Variants in BLVRA observed in about 807,000 individuals in gnomAD.
BLVRA encodes the protein biliverdin reductase A, also known as BVR A.
In BLVRA, 22 loss-of-function variants were observed where a neutral mutation model predicts 32.8. The observed-to-expected ratio is 0.67, with a 90% CI of 0.48 to 0.96. The LOEUF is 0.96. Ranked by LOEUF, BLVRA falls within the 40% of genes least tolerant of loss-of-function variation. The pLI is 0.00. For synonymous variants in BLVRA, 119 were observed against 141.3 expected, an observed-to-expected ratio of 0.84 and a Z score of 1.12; for missense variants, 323 against 358.1, an observed-to-expected ratio of 0.90 and a Z score of 0.79.
intron 2 of BLVRA, among the ~76,000 whole-genome samples, chr7:43,773,482 G>A (rs1282380801): frequency 2.0e-5 from 3 of 152,134 alleles, no homozygotes; most frequent in Non-Finnish European, 4.4e-5. Context: ...CATTTTTTAT[G>A]GCTGCATAGT....
At position 43,771,154 on chromosome 7, in the gene BLVRA, C is replaced by T. The variant is rs1192428856; in HGVS notation, c.-5C>T. On this transcript the variant is annotated 5_prime_UTR_variant, in exon 2 of 8. Coordinates refer to ENST00000265523, the MANE Select transcript of BLVRA (RefSeq NM_000712.4). ...TCTTTACAGTGACCGAAGGAAGAGA[C>T]CAAGATGAATGCAGAGGTGAGTTCT... The T allele has an allele frequency of 2.5e-6, 4 of 1,614,030 alleles. No homozygotes were observed. In the South Asian group the frequency reaches 3.3e-5, roughly 13 times the overall value.
chr7:43,761,065 C>T (rs952556434), intron 1 of BLVRA, among the ~76,000 whole-genome samples: 1 of 152,196 alleles, frequency 6.6e-6, no homozygotes, highest in South Asian at 2.1e-4. Flanking sequence ...CCATTTCACC[C>T]GGCCTCTCTT....
At chr7:43,758,818 C>A (rs1024738280) in intron 1 of BLVRA, 84 bp downstream of exon 1, 3 of 151,586 alleles carry the variant, frequency 2.0e-5, no homozygotes, top group African/African-American at 2.4e-5. Flanking sequence ...GGCCTGAGCT[C>A]GAAGCCCCAG....
At chr7:43,782,247 G>A (rs986570087) in intron 2 of BLVRA, among the ~76,000 whole-genome samples, 1 of 152,200 alleles carries the variant, frequency 6.6e-6, no homozygotes, top group African/African-American at 2.4e-5. Context: ...CAGTGAAAGT[G>A]TAGAGAAAGG....
intron 5 of BLVRA, among the ~76,000 whole-genome samples, chr7:43,796,594 G>A: frequency 6.6e-6 from 1 of 152,138 alleles, no homozygotes; most frequent in East Asian, 1.9e-4. Context: ...ACCTAAAACT[G>A]TAATATTGTT....
At chr7:43,774,208 C>T (rs1585717457) in intron 2 of BLVRA, among the ~76,000 whole-genome samples, 1 of 152,266 alleles carries the variant, frequency 6.6e-6, no homozygotes, top group Non-Finnish European at 1.5e-5. Flanking sequence ...ACATGAAGTC[C>T]TTGCCCATGC....
At chr7:43,797,596 G>T (rs747903283) in intron 5 of BLVRA, among the ~76,000 whole-genome samples, 5 of 152,082 alleles carry the variant, frequency 3.3e-5, no homozygotes, top group Non-Finnish European at 7.4e-5. Flanking sequence ...GCATGTAACC[G>T]CATACAACCA....
intron 2 of BLVRA, among the ~76,000 whole-genome samples, chr7:43,777,962 C>T (rs1281741002): frequency 2.6e-5 from 4 of 152,222 alleles, no homozygotes; most frequent in East Asian, 1.9e-4. Context: ...GCATTCTTCA[C>T]GTAGTTCTCG....
rs1005098340 is a variant in BLVRA, at chr7:43,803,531, G to T, written c.461-145G>T. On this transcript the variant is annotated intron_variant, in intron 6 of 7. Coordinates refer to ENST00000265523, the MANE Select transcript of BLVRA (RefSeq NM_000712.4). ...TTTCATCAGTATCATTAATCACGTT[G>T]CCTGCCTACCACATAAGGCAAGGTC... 3 of 854,864 alleles carry T rather than the reference G, an allele frequency of 3.5e-6. No individual in the cohort carries two copies. In the African/African-American group the frequency reaches 5.0e-5, roughly 14 times the overall value. The allele number at this position is 854,864 out of a possible 1,614,324, so 53.0% of individuals were successfully genotyped here. A position where few individuals can be genotyped will look rare whatever the true frequency, so the allele number is the denominator to read the frequency against.
intron 2 of BLVRA, 146 bp downstream of exon 2, chr7:43,771,316 C>A: frequency 1.0e-6 from 1 of 960,162 alleles, no homozygotes; most frequent in Non-Finnish European, 1.6e-6. Context: ...GCACGTGGTT[C>A]TGGGTGATGC....
chr7:43,778,176 T>C (rs1250367363), intron 2 of BLVRA, among the ~76,000 whole-genome samples: 6 of 152,266 alleles, frequency 3.9e-5, no homozygotes, highest in Admixed American at 2.6e-4. Context: ...CTTTGTTCCG[T>C]TGCTGGTGAG....
At chr7:43,784,001 A>C (rs2095773645) in intron 2 of BLVRA, among the ~76,000 whole-genome samples, 1 of 149,768 alleles carries the variant, frequency 6.7e-6, no homozygotes, top group South Asian at 2.1e-4. Flanking sequence ...ATTCCTAACT[A>C]TGAACTCCAT....
chr7:43,771,366 T>C (rs963415246), intron 2 of BLVRA, among the ~76,000 whole-genome samples, 196 bp downstream of exon 2: 1 of 152,198 alleles, frequency 6.6e-6, no homozygotes, highest in East Asian at 1.9e-4. Context: ...TCTGTGTCTG[T>C]CTGGCTTCAT....
chr7:43,802,326 A>G (rs917611757), intron 6 of BLVRA, among the ~76,000 whole-genome samples: 13 of 152,160 alleles, frequency 8.5e-5, no homozygotes, highest in Non-Finnish European at 1.5e-5. Context: ...CATTGTTATT[A>G]GTCATTGTTT....
At chr7:43,766,890 G>A (rs849183) in intron 1 of BLVRA, among the ~76,000 whole-genome samples, 2,018 of 152,272 alleles carry the variant, frequency 0.013, 54 homozygotes, top group African/African-American at 0.046. Flanking sequence ...TCAGAACTTT[G>A]GGAGGCCGAG....
chr7:43,759,600 A>G (rs539889715), intron 1 of BLVRA, among the ~76,000 whole-genome samples: 1 of 152,232 alleles, frequency 6.6e-6, no homozygotes, highest in Non-Finnish European at 1.5e-5. Flanking sequence ...GACTTAGCGA[A>G]CATAAATAGC....
chr7:43,801,737 T>C (rs2095798915), intron 6 of BLVRA, among the ~76,000 whole-genome samples: 1 of 152,208 alleles, frequency 6.6e-6, no homozygotes, highest in South Asian at 2.1e-4. Flanking sequence ...TTCAGAGGCA[T>C]GAGTGGCTTC....
At chr7:43,791,538 G>T in intron 4 of BLVRA, 170 bp downstream of exon 4, 1 of 684,018 alleles carries the variant, frequency 1.5e-6, no homozygotes, top group Non-Finnish European at 2.5e-6. Context: ...TCTTATTGCT[G>T]GTTATAAATA....
At chr7:43,790,260 A>C (rs1366948796) in intron 3 of BLVRA, among the ~76,000 whole-genome samples, 6 of 152,060 alleles carry the variant, frequency 3.9e-5, no homozygotes, top group African/African-American at 1.4e-4. Flanking sequence ...CGAAGACTGC[A>C]GCTCCCCCAT....
Sources: gnomAD v4.1 joint callset for allele counts (sites outside exome capture counted in the v4.1 genomes callset) on GRCh38, gnomAD v4.1.1 for gene constraint, MANE v1.5 for transcripts, NCBI Gene and HGNC (gene_info 2026-07-23, HGNC 2026-07-21) for gene names.